RORA: variants seen among roughly 807,000 people sequenced by gnomAD.
The protein encoded by RORA is nuclear receptor ROR-alpha.
In RORA, 7 loss-of-function variants were observed where a neutral mutation model predicts 69.5. That is an observed-to-expected ratio of 0.10 (90% CI 0.06 to 0.19). The LOEUF (loss-of-function observed/expected upper bound fraction) is 0.19, where lower values mean the gene tolerates loss of function less well. Ranked by LOEUF, RORA falls within the 10% of genes least tolerant of loss-of-function variation. RORA has a pLI of 1.00. For synonymous variants in RORA, 261 were observed against 240.8 expected, an observed-to-expected ratio of 1.08 and a Z score of -0.78; for missense variants, 457 against 663.0, an observed-to-expected ratio of 0.69 and a Z score of 3.41.
chr15:61,140,142 C>T (rs889617103), intron 1 of RORA, among the ~76,000 whole-genome samples: 3 of 152,178 alleles, frequency 2.0e-5, no homozygotes, highest in Non-Finnish European at 4.4e-5. Flanking sequence ...TGTCAATGGT[C>T]TCATTTTACC....
intron 2 of RORA, among the ~76,000 whole-genome samples, chr15:60,661,081 AT>A (rs35005286): frequency 0.7 from 99,299 of 141,024 alleles, 35,600 homozygotes; most frequent in East Asian, 0.9. Flanking sequence ...TAGAGGAGTT[AT>A]TTTTTTTTTT....
chr15:60,610,756 A>G (rs1372792466), intron 2 of RORA, among the ~76,000 whole-genome samples: 4 of 152,170 alleles, frequency 2.6e-5, no homozygotes, highest in Non-Finnish European at 5.9e-5. Context: ...AAAAACCCCA[A>G]AAACCAAAAG....
intron 1 of RORA, among the ~76,000 whole-genome samples, chr15:61,122,163 C>T (rs1417058837): frequency 6.6e-6 from 1 of 152,162 alleles, no homozygotes; most frequent in Non-Finnish European, 1.5e-5. Flanking sequence ...GAACTTCTTT[C>T]TTTCTTAAGC....
At chr15:60,826,760 TCTCTCC>T (rs1196880123) in intron 1 of RORA, among the ~76,000 whole-genome samples, 18 of 95,110 alleles carry the variant, frequency 1.9e-4, no homozygotes, top group South Asian at 1.0e-3. Flanking sequence ...TCTCTCTCTC[TCTCTCC>T]CTCTCTCTCT....
At chr15:61,218,137 G>T (rs1286153820) in intron 1 of RORA, among the ~76,000 whole-genome samples, 1 of 151,640 alleles carries the variant, frequency 6.6e-6, no homozygotes, top group East Asian at 1.9e-4. Context: ...ACACAATCAC[G>T]CATCACAAGT....
At chr15:61,017,912 A>G (rs1895360421) in intron 1 of RORA, among the ~76,000 whole-genome samples, 1 of 152,212 alleles carries the variant, frequency 6.6e-6, no homozygotes, top group Non-Finnish European at 1.5e-5. Context: ...TGACGGGGTG[A>G]GCGGAAGTTT....
chr15:61,174,280 T>C (rs2079609418), intron 1 of RORA, among the ~76,000 whole-genome samples: 1 of 152,328 alleles, frequency 6.6e-6, no homozygotes, highest in East Asian at 1.9e-4. Flanking sequence ...CAGCTTACAT[T>C]CTGCCTTCTT....
intron 1 of RORA, among the ~76,000 whole-genome samples, chr15:60,869,197 T>C (rs2073525037): frequency 2.0e-5 from 3 of 152,218 alleles, no homozygotes; most frequent in Admixed American, 2.0e-4. Context: ...GTAACCATTT[T>C]TTCCCACTGA....
At chr15:61,141,379 T>G (rs11071588) in intron 1 of RORA, among the ~76,000 whole-genome samples, 78,659 of 151,996 alleles carry the variant, frequency 0.52, 21,867 homozygotes, top group Non-Finnish European at 0.63. Context: ...ACATGTTATG[T>G]AATCTTCTGC....
At chr15:60,886,958 A>C (rs1018829732) in intron 1 of RORA, among the ~76,000 whole-genome samples, 1 of 152,192 alleles carries the variant, frequency 6.6e-6, no homozygotes, top group African/African-American at 2.4e-5. Flanking sequence ...CCAACAGCCC[A>C]CTAGAACAAC....
At chr15:60,921,113 G>A (rs1325697691) in intron 1 of RORA, among the ~76,000 whole-genome samples, 1 of 152,204 alleles carries the variant, frequency 6.6e-6, no homozygotes, top group Non-Finnish European at 1.5e-5. Flanking sequence ...ACAAATGGGT[G>A]ATAGAAAGAA....
intron 1 of RORA, among the ~76,000 whole-genome samples, chr15:60,891,440 AG>A (rs754168522): frequency 2.0e-5 from 3 of 152,230 alleles, no homozygotes; most frequent in Non-Finnish European, 4.4e-5. Context: ...GGAGACCCTC[AG>A]GTCAAGGCTC....
chr15:60,815,039 G>GT (rs1339051710), intron 1 of RORA, among the ~76,000 whole-genome samples: 4 of 151,742 alleles, frequency 2.6e-5, no homozygotes, highest in Non-Finnish European at 5.9e-5. Flanking sequence ...AAACCCCCAG[G>GT]TTTTTTTTCC....
intron 1 of RORA, among the ~76,000 whole-genome samples, chr15:60,936,384 G>C (rs886560033): frequency 1.3e-5 from 2 of 152,184 alleles, no homozygotes; most frequent in African/African-American, 4.8e-5. Flanking sequence ...GGAGAGAGCT[G>C]GTGTAATTAG....
intron 1 of RORA, among the ~76,000 whole-genome samples, chr15:60,896,211 A>G (rs1388854555): frequency 6.6e-6 from 1 of 152,088 alleles, no homozygotes. Flanking sequence ...TGGCAAGGCC[A>G]TTTTCCTGTC....
At chr15:61,099,888 T>C (rs184155986) in intron 1 of RORA, among the ~76,000 whole-genome samples, 3 of 152,332 alleles carry the variant, frequency 2.0e-5, no homozygotes, top group African/African-American at 7.2e-5. Context: ...GGAGTAACTA[T>C]CTAAAGGTCA....
intron 2 of RORA, among the ~76,000 whole-genome samples, chr15:60,663,681 C>G (rs2070338003): frequency 6.6e-6 from 1 of 152,230 alleles, no homozygotes; most frequent in African/African-American, 2.4e-5. Flanking sequence ...TCTTGACCTC[C>G]TGACCTCAGG....
chr15:60,875,707 G>A (rs943679466), intron 1 of RORA, among the ~76,000 whole-genome samples: 3 of 152,150 alleles, frequency 2.0e-5, no homozygotes, highest in Non-Finnish European at 4.4e-5. Flanking sequence ...ATGTCCAACG[G>A]TGAGGATACC....
At chr15:60,886,284 G>C (rs947391132) in intron 1 of RORA, among the ~76,000 whole-genome samples, 1 of 152,114 alleles carries the variant, frequency 6.6e-6, no homozygotes, top group Non-Finnish European at 1.5e-5. Flanking sequence ...ATAAGAAGAA[G>C]GTTCTAACTC....
Sources: allele counts gnomAD v4.1 joint callset (sites outside exome capture counted in the v4.1 genomes callset), GRCh38; gene constraint gnomAD v4.1.1; transcripts MANE v1.5; gene names NCBI Gene and HGNC (gene_info 2026-07-23, HGNC 2026-07-21).